SORCS2: variants seen among roughly 807,000 people sequenced by gnomAD.
SORCS2 encodes VPS10 domain-containing receptor SorCS2.
In SORCS2, 100 loss-of-function variants were observed where a neutral mutation model predicts 141.6. That is an observed-to-expected ratio of 0.71 (90% CI 0.60 to 0.83). The LOEUF (loss-of-function observed/expected upper bound fraction) is 0.83. Among genes scored for constraint, SORCS2 ranks in the 40% least tolerant of loss-of-function variants. SORCS2 has a pLI of 0.00. For missense variants in SORCS2, 1,646 were observed against 1,560.2 expected (o/e 1.05, Z -0.93); for synonymous variants, 789 against 676.9 (o/e 1.17, Z -2.57).
chr4:7,724,362 A>T (rs1220690422), intron 19 of SORCS2, among the ~76,000 whole-genome samples: 1 of 125,710 alleles, frequency 8.0e-6, no homozygotes, highest in Non-Finnish European at 1.6e-5. Context: ...TAGTGGTAGT[A>T]ATGGTGATGA....
At chr4:7,341,503 C>T (rs1657423679) in intron 1 of SORCS2, among the ~76,000 whole-genome samples, 1 of 152,186 alleles carries the variant, frequency 6.6e-6, no homozygotes, top group African/African-American at 2.4e-5. Flanking sequence ...TCTCTCTACT[C>T]TTCAGGCTGT....
chr4:7,615,403 T>C (rs1718693867), intron 3 of SORCS2, among the ~76,000 whole-genome samples: 1 of 152,184 alleles, frequency 6.6e-6, no homozygotes, highest in Non-Finnish European at 1.5e-5. Flanking sequence ...TTTTTCCTGG[T>C]ATAAGGGGGT....
intron 1 of SORCS2, among the ~76,000 whole-genome samples, chr4:7,215,187 C>T (rs556424780): frequency 1.1e-3 from 172 of 152,184 alleles, no homozygotes; most frequent in African/African-American, 3.7e-3. Flanking sequence ...GCTGGAGTTC[C>T]GGGTGGGCGT....
chr4:7,473,249 C>T (rs1211214968), intron 2 of SORCS2, among the ~76,000 whole-genome samples: 2 of 152,124 alleles, frequency 1.3e-5, no homozygotes, highest in African/African-American at 2.4e-5. Context: ...GGGCTGCAGC[C>T]GGGAGCCTGC....
chr4:7,451,519 G>T (rs888811766), intron 2 of SORCS2, among the ~76,000 whole-genome samples: 1 of 152,278 alleles, frequency 6.6e-6, no homozygotes, highest in Non-Finnish European at 1.5e-5. Context: ...TACTCCTGAA[G>T]AGTGTTCAGT....
At position 7,591,671 on chromosome 4, in the gene SORCS2, G is replaced by A. The variant is rs535675449; in HGVS notation, c.649-46657G>A. On this transcript the variant is annotated intron_variant, in intron 3 of 26. Coordinates refer to ENST00000507866, the MANE Select transcript of SORCS2 (RefSeq NM_020777.3). ...CTCACGAGGATTAACGATGACGAGG[G>A]GGGTGTTAGCTCTGAAGAAAACCCC... Among the ~76,000 whole-genome samples the A allele has an allele frequency of 3.9e-5, 6 of 152,336 alleles. No individual in the cohort carries two copies. In the South Asian group the frequency reaches 8.3e-4, roughly 21 times the overall value.
At chr4:7,372,738 C>T (rs1203928978) in intron 1 of SORCS2, among the ~76,000 whole-genome samples, 2 of 152,070 alleles carry the variant, frequency 1.3e-5, no homozygotes, top group African/African-American at 4.8e-5. Flanking sequence ...CCTTTGTGGT[C>T]AACGCCCCCA....
At chr4:7,589,710 C>G (rs921092372) in intron 3 of SORCS2, among the ~76,000 whole-genome samples, 1 of 152,132 alleles carries the variant, frequency 6.6e-6, no homozygotes, top group Non-Finnish European at 1.5e-5. Context: ...CAGCTGAGTC[C>G]CGTTCTAAGT....
chr4:7,574,147 C>T (rs1715587518), intron 3 of SORCS2, among the ~76,000 whole-genome samples: 2 of 152,280 alleles, frequency 1.3e-5, no homozygotes, highest in Non-Finnish European at 2.9e-5. Flanking sequence ...GTCAGTTCCC[C>T]CCAGAAGCTC....
rs566630371 is a variant in SORCS2, at chr4:7,306,283, C to T, written c.481-90005C>T. Among the ~76,000 whole-genome samples the T allele has an allele frequency of 9.4e-5, 14 of 148,538 alleles. No individual in the cohort carries two copies. In the East Asian group the frequency reaches 1.6e-3, roughly 17 times the overall value. On this transcript the variant is annotated intron_variant, in intron 1 of 26. Coordinates refer to ENST00000507866, the MANE Select transcript of SORCS2 (RefSeq NM_020777.3). ...GGCACTGTGCTGGGGCAGTGGGCTCCGGGGTAGGCTTGTTGATGGTCCGAG... is the reference window on the plus strand; with the variant it reads ...GGCACTGTGCTGGGGCAGTGGGCTCTGGGGTAGGCTTGTTGATGGTCCGAG...
chr4:7,210,310 G>T (rs1727987498), intron 1 of SORCS2, among the ~76,000 whole-genome samples: 1 of 152,178 alleles, frequency 6.6e-6, no homozygotes, highest in African/African-American at 2.4e-5. Flanking sequence ...TAGAGGCGGG[G>T]CTTCTCTGTG....
chr4:7,506,249 C>G (rs1329229479), intron 2 of SORCS2, among the ~76,000 whole-genome samples: 3 of 152,168 alleles, frequency 2.0e-5, no homozygotes, highest in Non-Finnish European at 1.5e-5. Flanking sequence ...GGGGCGCTGC[C>G]ATAGTCTGGG....
chr4:7,207,053 C>T lies in SORCS2; in HGVS notation c.480+13927C>T, dbSNP rs553922482. ...CAAACCAGCCCCGCACCTAGCATCACCCACTGCTAACGTGCTCATCCATCC... is the reference window on the plus strand; with the variant it reads ...CAAACCAGCCCCGCACCTAGCATCATCCACTGCTAACGTGCTCATCCATCC... On this transcript the variant is annotated intron_variant, in intron 1 of 26. Transcript: ENST00000507866. Among the ~76,000 whole-genome samples the T allele has an allele frequency of 7.8e-4, 119 of 152,264 alleles. No individual in the cohort carries two copies. The Middle Eastern group carries it at 0.014, about 17-fold the overall frequency.
intron 1 of SORCS2, among the ~76,000 whole-genome samples, chr4:7,336,177 C>A (rs1444120623): frequency 6.6e-6 from 1 of 152,224 alleles, no homozygotes; most frequent in Non-Finnish European, 1.5e-5. Flanking sequence ...CCCCGCTGCC[C>A]CTGCCCTGCG....
rs1332004441 is a variant in SORCS2 at position 7,664,410 on chromosome 4, C to T, written c.1010C>T (p.Pro337Leu). 1 of 1,613,962 alleles carries T rather than the reference C, an allele frequency of 6.2e-7. No homozygotes were observed. The highest frequency in any genetic ancestry group is 1.1e-5 in the South Asian group (1 of 91,072). ...TGCTCCGAGAAGATGCTGACAGCCCCATTCGCAGGCCCCATTGACCACGGG... is the reference window on the plus strand; with the variant it reads ...TGCTCCGAGAAGATGCTGACAGCCCTATTCGCAGGCCCCATTGACCACGGG... Reference protein sequence around the residue: ...HNCSEKMLTAPFAGPIDHGSL... With the variant: ...HNCSEKMLTALFAGPIDHGSL... The change falls in exon 7 of 27, where the codon CCA (proline) becomes CTA (leucine). Residue 337 changes from proline (P) to leucine (L), a missense_variant. Transcript: ENST00000507866. The surrounding 1 kb of genome is among the most constrained non-coding windows in gnomAD (Gnocchi z 4.7).
At chr4:7,579,356 C>CGT (rs142484108) in intron 3 of SORCS2, among the ~76,000 whole-genome samples, 293 of 151,976 alleles carry the variant, frequency 1.9e-3, no homozygotes, top group South Asian at 4.8e-3. Context: ...CACACCCACC[C>CGT]GTGTGTGTGT....
chr4:7,590,537 C>T (rs1349184889), intron 3 of SORCS2, among the ~76,000 whole-genome samples: 1 of 152,178 alleles, frequency 6.6e-6, no homozygotes, highest in Non-Finnish European at 1.5e-5. Context: ...GGGTGTCAGG[C>T]AGCATTCTCA....
At chr4:7,543,839 TC>T (rs1712979309) in intron 3 of SORCS2, among the ~76,000 whole-genome samples, 1 of 87,812 alleles carries the variant, frequency 1.1e-5, no homozygotes, top group Non-Finnish European at 2.4e-5. Flanking sequence ...TGTCCATCCA[TC>T]CACTCATCCG....
At chr4:7,635,667 G>A (rs1439935672) in intron 3 of SORCS2, among the ~76,000 whole-genome samples, 1 of 152,166 alleles carries the variant, frequency 6.6e-6, no homozygotes, top group Non-Finnish European at 1.5e-5. Context: ...CTTTGCCAAC[G>A]TTATTATGTA....
Sources: gnomAD v4.1 joint callset for allele counts (sites outside exome capture counted in the v4.1 genomes callset) on GRCh38, gnomAD v4.1.1 for gene constraint, Gnocchi (gnomAD v3.1) non-coding constraint, MANE v1.5 for transcripts, NCBI Gene and HGNC (gene_info 2026-07-23, HGNC 2026-07-21) for gene names.